The following BMAL1 variants were observed in gnomAD, a reference collection of about 807,000 sequenced individuals.
BMAL1 encodes basic helix-loop-helix ARNT-like protein 1.
At chr11:13,293,204 G>A in the BMAL1 span, among the ~76,000 whole-genome samples, 1 of 152,116 alleles carries the variant, frequency 6.6e-6, no homozygotes. Context: ...GCAGTGGGGG[G>A]CACCCAGGCA....
chr11:13,319,984 A>G, the BMAL1 span, among the ~76,000 whole-genome samples: 1 of 152,228 alleles, frequency 6.6e-6, no homozygotes, highest in Non-Finnish European at 1.5e-5. Flanking sequence ...TGAGGAAAGC[A>G]AAGGGAAGTG....
chr11:13,378,243 A>C, the BMAL1 span: 1 of 1,432,272 alleles, frequency 7.0e-7, no homozygotes, highest in East Asian at 2.6e-5. Flanking sequence ...TTGAACTGCA[A>C]ATGGATCATG....
At chr11:13,287,237 C>T in the BMAL1 span, among the ~76,000 whole-genome samples, 1 of 152,180 alleles carries the variant, frequency 6.6e-6, no homozygotes, top group Non-Finnish European at 1.5e-5. Flanking sequence ...TGCAAACTTC[C>T]CCAGTGCATT....
chr11:13,358,529 C>G, the BMAL1 span: 7 of 1,613,128 alleles, frequency 4.3e-6, no homozygotes, highest in Non-Finnish European at 5.9e-6. Flanking sequence ...AACGCAATGT[C>G]CAGGAAATTA....
At chr11:13,343,730 G>A in the BMAL1 span, among the ~76,000 whole-genome samples, 1 of 152,126 alleles carries the variant, frequency 6.6e-6, no homozygotes, top group African/African-American at 2.4e-5. Flanking sequence ...GCACTGTTTG[G>A]TGACTTAGTT....
the BMAL1 span, chr11:13,378,294 C>A: frequency 6.5e-7 from 1 of 1,538,644 alleles, no homozygotes; most frequent in Non-Finnish European, 8.7e-7. Context: ...AGTATTTCTT[C>A]CTCAGTTTTC....
the BMAL1 span, among the ~76,000 whole-genome samples, chr11:13,295,151 C>G: frequency 2.6e-5 from 4 of 152,180 alleles, no homozygotes; most frequent in South Asian, 8.3e-4. Context: ...AGGAGTGGCT[C>G]TTGAAGATGG....
At chr11:13,356,967 G>T in the BMAL1 span, 2 of 1,600,592 alleles carry the variant, frequency 1.2e-6, no homozygotes, top group East Asian at 4.5e-5. Context: ...GAGATGACAG[G>T]ATCAGGCAGA....
At chr11:13,358,627 GC>G in the BMAL1 span, 1 of 1,501,972 alleles carries the variant, frequency 6.7e-7, no homozygotes, top group Non-Finnish European at 8.9e-7. Flanking sequence ...TTATGTCCTT[GC>G]CCACAAATGT....
At chr11:13,310,882 A>G in the BMAL1 span, among the ~76,000 whole-genome samples, 3 of 152,252 alleles carry the variant, frequency 2.0e-5, no homozygotes, top group Admixed American at 1.3e-4. Context: ...TGATAGCTGG[A>G]CAAGAGGCAT....
At chr11:13,311,477 A>G in the BMAL1 span, among the ~76,000 whole-genome samples, 1 of 152,176 alleles carries the variant, frequency 6.6e-6, no homozygotes, top group East Asian at 1.9e-4. Flanking sequence ...TGAGAAATGT[A>G]ATGTCACAAG....
chr11:13,363,792 A>G, the BMAL1 span, among the ~76,000 whole-genome samples: 4 of 152,156 alleles, frequency 2.6e-5, no homozygotes, highest in African/African-American at 9.7e-5. Flanking sequence ...TGACCCTGCC[A>G]CTGGCTGGCC....
chr11:13,279,093 T>C, the BMAL1 span, among the ~76,000 whole-genome samples: 1 of 152,144 alleles, frequency 6.6e-6, no homozygotes, highest in Non-Finnish European at 1.5e-5. Flanking sequence ...CTGACCCCTC[T>C]CCCCTCTCCG....
the BMAL1 span, among the ~76,000 whole-genome samples, chr11:13,284,470 T>A: frequency 6.6e-6 from 1 of 151,420 alleles, no homozygotes; most frequent in Non-Finnish European, 1.5e-5. Flanking sequence ...AACCTCAGAT[T>A]TGGGAGGCAT....
the BMAL1 span, chr11:13,354,200 G>GCCCCCCCCACCCAA: frequency 5.5e-6 from 2 of 364,712 alleles, no homozygotes; most frequent in Non-Finnish European, 1.1e-5. Flanking sequence ...TCCCCCCCCG[G>GCCCCCCCCACCCAA]CCCCCCACCA....
At chr11:13,370,898 G>C in the BMAL1 span, among the ~76,000 whole-genome samples, 1 of 152,136 alleles carries the variant, frequency 6.6e-6, no homozygotes, top group Admixed American at 6.5e-5. Flanking sequence ...AGCCCCTTCT[G>C]GGCAATGCTT....
At chr11:13,306,991 G>C in the BMAL1 span, among the ~76,000 whole-genome samples, 1 of 152,186 alleles carries the variant, frequency 6.6e-6, no homozygotes, top group Non-Finnish European at 1.5e-5. Flanking sequence ...CTAGGTATCA[G>C]TTTAAGGGAA....
chr11:13,277,611 G>A, the BMAL1 span: 6 of 152,300 alleles, frequency 3.9e-5, no homozygotes, highest in Non-Finnish European at 5.9e-5. Context: ...CGGATTGGCT[G>A]GGGGCGGCCG....
the BMAL1 span, among the ~76,000 whole-genome samples, chr11:13,306,787 G>A: frequency 6.6e-6 from 1 of 152,232 alleles, no homozygotes; most frequent in African/African-American, 2.4e-5. Flanking sequence ...GGATGCTGTA[G>A]GAGTGCACAA....
Sources: gnomAD v4.1 joint callset for allele counts (sites outside exome capture counted in the v4.1 genomes callset) on GRCh38, gnomAD v4.1.1 for gene constraint, MANE v1.5 for transcripts, NCBI Gene and HGNC (gene_info 2026-07-23, HGNC 2026-07-21) for gene names.